DNAL1: variants seen among roughly 807,000 people sequenced by gnomAD.
DNAL1 encodes dynein axonemal light chain 1.
A neutral mutation model predicts 29.4 loss-of-function variants in DNAL1; 17 were observed. The observed-to-expected ratio is 0.58, with a 90% CI of 0.40 to 0.87. DNAL1 has a LOEUF of 0.87. DNAL1 is among the 40% of genes least tolerant of loss of function. The pLI is 0.00. For synonymous variants in DNAL1, 78 were observed against 76.3 expected, an observed-to-expected ratio of 1.02 and a Z score of -0.12; for missense variants, 188 against 214.1, an observed-to-expected ratio of 0.88 and a Z score of 0.76.
rs62004948 is a variant in DNAL1 at position 73,689,063 on chromosome 14, G to T, written c.392-312G>T. Among the ~76,000 whole-genome samples the T allele has an allele frequency of 0.25, 33,027 of 130,278 alleles. 4,835 individuals are homozygous for T. The highest frequency in any genetic ancestry group is 0.34 in the Non-Finnish European group (21,862 of 64,846). The allele number at this position is 130,278 out of a possible 152,430, so 85.5% of individuals were successfully genotyped here. On this transcript the variant is annotated intron_variant, in intron 6 of 7. Coordinates refer to ENST00000553645, the MANE Select transcript of DNAL1 (RefSeq NM_031427.4). ...TTTTTTTTTTTTTTGAGACAGAGTC[G>T]TGCTCTGTCGCTCAGTCTGGAGTGC... is the stretch of plus-strand genomic sequence containing the variant.
At chr14:73,678,329 AATT>A (rs1382771706) in intron 5 of DNAL1, among the ~76,000 whole-genome samples, 7 of 152,092 alleles carry the variant, frequency 4.6e-5, no homozygotes, top group African/African-American at 1.7e-4. Context: ...TATCCCTAAT[AATT>A]ATCAATATTG....
intron 5 of DNAL1, among the ~76,000 whole-genome samples, chr14:73,681,238 A>G (rs961282180): frequency 2.6e-5 from 4 of 151,634 alleles, no homozygotes; most frequent in Admixed American, 1.3e-4. Flanking sequence ...GGTTCAAGCA[A>G]TTCTCTTGCC....
At chr14:73,653,079 T>G (rs1891143326) in intron 1 of DNAL1, 2 of 152,304 alleles carry the variant, frequency 1.3e-5, no homozygotes, top group East Asian at 3.9e-4. Context: ...GGCTTGAGTT[T>G]TATAGCAAAA....
At chr14:73,647,374 A>G (rs1891003048) in intron 1 of DNAL1, among the ~76,000 whole-genome samples, 1 of 109,854 alleles carries the variant, frequency 9.1e-6, no homozygotes, top group Non-Finnish European at 1.9e-5. Flanking sequence ...CAAAAAAAAA[A>G]AAAAAAAGAA....
intron 5 of DNAL1, among the ~76,000 whole-genome samples, chr14:73,677,884 T>TTTGTGTGTGTGTGTG (rs1555402398): frequency 1.2e-4 from 12 of 96,130 alleles, no homozygotes; most frequent in African/African-American, 3.8e-4. Flanking sequence ...ATATATATAT[T>TTTGTGTGTGTGTGTG]TGTGTGTGTG....
chr14:73,645,016 G>C lies in DNAL1; in HGVS notation c.-24G>C, dbSNP rs1464316462. The C allele has an allele frequency of 6.2e-7, 1 of 1,608,958 alleles. No homozygotes were observed. The highest frequency in any genetic ancestry group is 2.2e-5 in the East Asian group (1 of 44,744). On this transcript the variant is annotated 5_prime_UTR_variant, in exon 1 of 8. Transcript: ENST00000553645. ...GACCCCGCGGGCCCTAGCAACCAGA[G>C]CAGTGACAGTAGCAACCGCCGGAAT... is the stretch of plus-strand genomic sequence containing the variant.
intron 7 of DNAL1, among the ~76,000 whole-genome samples, chr14:73,694,886 A>G (rs893172326): frequency 6.6e-6 from 1 of 151,824 alleles, no homozygotes; most frequent in African/African-American, 2.4e-5. Flanking sequence ...ATGGGGTTTC[A>G]CCATGTTCGC....
At chr14:73,681,633 A>ATATATATATATATAT (rs1397342699) in intron 5 of DNAL1, among the ~76,000 whole-genome samples, 5 of 35,388 alleles carry the variant, frequency 1.4e-4, no homozygotes, top group Non-Finnish European at 2.1e-4. Context: ...AAAAAAAAAA[A>ATATATATATATATAT]ATATATATAT....
intron 5 of DNAL1, chr14:73,672,922 A>C (rs1891649810): frequency 6.6e-6 from 1 of 151,080 alleles, no homozygotes; most frequent in East Asian, 2.0e-4. Context: ...CACCTGGCTA[A>C]TTTTTTTGTA....
At chr14:73,669,406 A>G (rs1049372207) in intron 4 of DNAL1, among the ~76,000 whole-genome samples, 1 of 151,914 alleles carries the variant, frequency 6.6e-6, no homozygotes, top group African/African-American at 2.4e-5. Flanking sequence ...CCTCCCAAGT[A>G]GCTGGGATTA....
intron 7 of DNAL1, among the ~76,000 whole-genome samples, chr14:73,690,969 A>G (rs920607001): frequency 2.0e-5 from 3 of 152,134 alleles, no homozygotes; most frequent in East Asian, 1.9e-4. Flanking sequence ...TAGTTTCCCA[A>G]TATCTTAAGA....
chr14:73,665,574 T>A (rs977074234), intron 4 of DNAL1, among the ~76,000 whole-genome samples: 2 of 152,102 alleles, frequency 1.3e-5, no homozygotes, highest in Non-Finnish European at 2.9e-5. Flanking sequence ...GTGGATCACC[T>A]GAGGTCAGGA....
chr14:73,689,026 GTTTTTTTTTTT>G (rs71112794), intron 6 of DNAL1, among the ~76,000 whole-genome samples: 1 of 92,248 alleles, frequency 1.1e-5, no homozygotes, highest in Non-Finnish European at 1.9e-5. Context: ...AAAACTTGCT[GTTTTTTTTTTT>G]TTTTTTTTTT....
intron 5 of DNAL1, among the ~76,000 whole-genome samples, chr14:73,684,324 A>T (rs1891961314): frequency 6.6e-6 from 1 of 152,122 alleles, no homozygotes; most frequent in African/African-American, 2.4e-5. Flanking sequence ...CTGTAGTGAG[A>T]TTGCTGAATC....
intron 4 of DNAL1, among the ~76,000 whole-genome samples, chr14:73,664,877 A>T (rs1437882231): frequency 6.6e-6 from 1 of 152,092 alleles, no homozygotes; most frequent in Admixed American, 6.6e-5. Context: ...AAAATAAAAA[A>T]AAATTACGAA....
At chr14:73,657,886 C>T (rs1330551447) in intron 2 of DNAL1, among the ~76,000 whole-genome samples, 4 of 152,220 alleles carry the variant, frequency 2.6e-5, no homozygotes, top group East Asian at 1.9e-4. Flanking sequence ...TGCACCACTA[C>T]GCCTGCCCAG....
chr14:73,684,287 T>C (rs1297340531), intron 5 of DNAL1, among the ~76,000 whole-genome samples: 1 of 152,222 alleles, frequency 6.6e-6, no homozygotes, highest in Non-Finnish European at 1.5e-5. Context: ...TTCGACATAC[T>C]GTTTTCATTT....
intron 1 of DNAL1, among the ~76,000 whole-genome samples, chr14:73,645,420 G>A (rs1000752058): frequency 1.3e-5 from 2 of 152,164 alleles, no homozygotes; most frequent in African/African-American, 4.8e-5. Flanking sequence ...GATGCAGGGA[G>A]GGGCTGGTTA....
At chr14:73,650,090 C>T (rs1236252007) in intron 1 of DNAL1, among the ~76,000 whole-genome samples, 2 of 152,030 alleles carry the variant, frequency 1.3e-5, no homozygotes, top group South Asian at 2.1e-4. Context: ...CTCAAATAGT[C>T]CCCCTGCCTC....
Sources: allele counts gnomAD v4.1 joint callset (sites outside exome capture counted in the v4.1 genomes callset), GRCh38; gene constraint gnomAD v4.1.1; transcripts MANE v1.5; gene names NCBI Gene and HGNC (gene_info 2026-07-23, HGNC 2026-07-21).